DISC1: variants seen among roughly 807,000 people sequenced by gnomAD.
DISC1 encodes disrupted in schizophrenia 1 protein.
A neutral mutation model predicts 84.5 loss-of-function variants in DISC1; 57 were observed. The ratio of observed to expected loss-of-function variants is 0.67; its 90% confidence interval spans 0.55 to 0.84. The LOEUF (loss-of-function observed/expected upper bound fraction) is 0.84, where lower values mean the gene tolerates loss of function less well. DISC1 is among the 40% of genes least tolerant of loss of function. The pLI is 0.00. For synonymous variants in DISC1, 411 were observed against 415.2 expected (o/e 0.99, Z 0.12); for missense variants, 1,000 against 1,057.8 (o/e 0.95, Z 0.76).
At chr1:231,789,690 A>C (rs1040192380) in intron 6 of DISC1, among the ~76,000 whole-genome samples, 2 of 152,160 alleles carry the variant, frequency 1.3e-5, no homozygotes, top group Non-Finnish European at 2.9e-5. Context: ...TAAATGTCTC[A>C]TTCTGGCCCT....
At chr1:231,761,960 C>T (rs1381993942) in intron 4 of DISC1, among the ~76,000 whole-genome samples, 2 of 152,160 alleles carry the variant, frequency 1.3e-5, no homozygotes, top group Non-Finnish European at 2.9e-5. Flanking sequence ...GACTCTGCAG[C>T]CCAGAGGAGG....
At chr1:232,017,494 T>C (rs1376682032) in intron 11 of DISC1, among the ~76,000 whole-genome samples, 1 of 152,046 alleles carries the variant, frequency 6.6e-6, no homozygotes, top group Non-Finnish European at 1.5e-5. Flanking sequence ...TTTTTTTTTT[T>C]TTTTTTACTG....
At chr1:231,962,045 T>C (rs1377668937) in intron 10 of DISC1, among the ~76,000 whole-genome samples, 1 of 152,180 alleles carries the variant, frequency 6.6e-6, no homozygotes, top group East Asian at 1.9e-4. Context: ...GCATCTGTTG[T>C]TTTTTGGCTT....
At chr1:231,730,295 G>T (rs1304489904) in intron 3 of DISC1, among the ~76,000 whole-genome samples, 2 of 152,186 alleles carry the variant, frequency 1.3e-5, no homozygotes, top group Non-Finnish European at 2.9e-5. Context: ...TGTTTCTAAT[G>T]TCCAAAACCC....
chr1:232,006,781 G>A (rs927524568), intron 10 of DISC1, among the ~76,000 whole-genome samples: 2 of 152,182 alleles, frequency 1.3e-5, no homozygotes, highest in Admixed American at 1.3e-4. Flanking sequence ...TAATCCCCAA[G>A]ACAATGGAGA....
chr1:231,952,144 T>C (rs1324938059), intron 9 of DISC1, among the ~76,000 whole-genome samples: 1 of 145,540 alleles, frequency 6.9e-6, no homozygotes, highest in East Asian at 2.0e-4. Flanking sequence ...GAAAAAACAT[T>C]AGATGAATGT....
At chr1:231,767,685 C>T (rs577151826) in intron 5 of DISC1, among the ~76,000 whole-genome samples, 3 of 152,260 alleles carry the variant, frequency 2.0e-5, no homozygotes, top group African/African-American at 2.4e-5. Flanking sequence ...GCTGTCAAGC[C>T]GGGGAGTACA....
intron 9 of DISC1, among the ~76,000 whole-genome samples, chr1:231,949,084 G>A (rs912865174): frequency 1.3e-5 from 2 of 151,918 alleles, no homozygotes; most frequent in African/African-American, 4.8e-5. Context: ...TAGCCATGAT[G>A]GTCTCGATCT....
intron 11 of DISC1, among the ~76,000 whole-genome samples, chr1:232,018,526 C>A (rs1558841399): frequency 6.6e-6 from 1 of 152,172 alleles, no homozygotes; most frequent in Admixed American, 6.5e-5. Flanking sequence ...ATGGGAAAAT[C>A]CTGCCCAACA....
chr1:232,003,944 A>T (rs1667026295), intron 10 of DISC1, among the ~76,000 whole-genome samples: 1 of 151,948 alleles, frequency 6.6e-6, no homozygotes, highest in South Asian at 2.1e-4. Flanking sequence ...AAAATATTTC[A>T]AATTGATAGA....
chr1:231,920,906 T>TA (rs1491125065), intron 9 of DISC1, among the ~76,000 whole-genome samples: 2 of 8,256 alleles, frequency 2.4e-4, no homozygotes, highest in African/African-American at 7.2e-4. Context: ...TGAACTGCTA[T>TA]TTTTTTTTTT....
chr1:231,995,853 C>T (rs1419661780), intron 10 of DISC1, among the ~76,000 whole-genome samples: 1 of 151,258 alleles, frequency 6.6e-6, no homozygotes, highest in Admixed American at 6.6e-5. Flanking sequence ...TGGGTATATA[C>T]CCAGTAATGG....
chr1:231,814,041 G>C lies in DISC1; in HGVS notation c.1793-4288G>C, dbSNP rs1049590265. Among the ~76,000 whole-genome samples the C allele has an allele frequency of 2.6e-5, 4 of 152,164 alleles. No individual in the cohort carries two copies. The South Asian group carries it at 8.3e-4, about 32-fold the overall frequency. The stretch of plus-strand genomic sequence containing the variant: ...ATCCAATCATGGCATTGGAAACTAT[G>C]GACTTCAGTGACAGATGTTATGTGC... On this transcript the variant is annotated intron_variant, in intron 8 of 12. Coordinates refer to ENST00000439617, the MANE Select transcript of DISC1 (RefSeq NM_018662.3).
intron 9 of DISC1, among the ~76,000 whole-genome samples, chr1:231,910,091 C>T (rs566721493): frequency 1.2e-4 from 18 of 152,128 alleles, no homozygotes; most frequent in African/African-American, 4.1e-4. Context: ...GTCTTGCTAG[C>T]GGTCTATCAA....
intron 3 of DISC1, among the ~76,000 whole-genome samples, chr1:231,734,112 AG>A (rs2072131292): frequency 6.6e-6 from 1 of 152,092 alleles, no homozygotes; most frequent in South Asian, 2.1e-4. Context: ...GACAGTTGTG[AG>A]TGAAGATGCC....
chr1:231,829,074 C>G (rs143244989), intron 9 of DISC1, among the ~76,000 whole-genome samples: 2 of 152,134 alleles, frequency 1.3e-5, no homozygotes, highest in African/African-American at 4.8e-5. Context: ...CTGTGACTTA[C>G]TTAACTACCT....
At chr1:231,873,264 T>G (rs1175829745) in intron 9 of DISC1, among the ~76,000 whole-genome samples, 2 of 152,146 alleles carry the variant, frequency 1.3e-5, no homozygotes, top group Non-Finnish European at 2.9e-5. Flanking sequence ...AGTGCCCCGG[T>G]AAGAGAGGCA....
chr1:231,958,017 A>G (rs1659818879), intron 9 of DISC1, among the ~76,000 whole-genome samples: 1 of 152,190 alleles, frequency 6.6e-6, no homozygotes, highest in Non-Finnish European at 1.5e-5. Context: ...AACAATAATA[A>G]TACTAGTAAT....
chr1:231,724,137 C>A, intron 3 of DISC1: 1 of 651,190 alleles, frequency 1.5e-6, no homozygotes, highest in Non-Finnish European at 1.9e-6. Context: ...CTTGGTACTT[C>A]ATTTGGCTTT....
Sources: allele counts gnomAD v4.1 joint callset (sites outside exome capture counted in the v4.1 genomes callset), GRCh38; gene constraint gnomAD v4.1.1; transcripts MANE v1.5; gene names NCBI Gene and HGNC (gene_info 2026-07-23, HGNC 2026-07-21).